SMAD2: variants seen among roughly 807,000 people sequenced by gnomAD.
SMAD2 encodes MAD homolog 2.
SMAD2 carries 8 observed loss-of-function variants against 64.4 expected under a neutral mutation model. The ratio of observed to expected loss-of-function variants is 0.12; its 90% CI spans 0.07 to 0.22. The LOEUF is 0.22. Among genes scored for constraint, SMAD2 ranks in the 10% least tolerant of loss-of-function variants. The pLI is 1.00. For synonymous variants in SMAD2, 203 were observed against 195.8 expected, an observed-to-expected ratio of 1.04 and a Z score of -0.31; for missense variants, 289 against 561.2, an observed-to-expected ratio of 0.51 and a Z score of 4.90.
chr18:47,836,385 A>C lies in SMAD2; in HGVS notation c.*5442T>G, dbSNP rs1188089439. 2 of 222,188 alleles carry C rather than the reference A, an allele frequency of 9.0e-6. No individual in the cohort carries two copies. Among genetic ancestry groups the C allele is most frequent in the African/African-American group, 4.5e-5 (2 of 44,706 alleles). The allele number at this position is 222,188 out of a possible 1,614,324, so 13.8% of individuals were successfully genotyped here. On this transcript the variant is annotated 3_prime_UTR_variant, in exon 11 of 11. Coordinates refer to ENST00000262160, the MANE Select transcript of SMAD2 (RefSeq NM_005901.6). Reference sequence around the variant, plus strand: ...GGCAGAGCTTTCTTTGATGTTAACAAATTTTGGCTGTGATTCTTAGTTACC... The same window carrying C: ...GGCAGAGCTTTCTTTGATGTTAACACATTTTGGCTGTGATTCTTAGTTACC...
Position 47,820,578 on chromosome 18 carries a change from G to A in SMAD2, c.*21249C>T, listed in dbSNP as rs1336193798. On this transcript the variant is annotated 3_prime_UTR_variant, in exon 11 of 11. Transcript: ENST00000262160. ...GGTAAGGAAGGTTACAAAATTAACA[G>A]AATAATTCTGTATGAGTCTTGCATA... 1 of 152,168 alleles carries A rather than the reference G, an allele frequency of 6.6e-6. No individual in the cohort carries two copies. The highest frequency in any genetic ancestry group is 2.1e-4 in the South Asian group (1 of 4,830). The allele number at this position is 152,168 out of a possible 1,614,324, so 9.4% of individuals were successfully genotyped here.
At chr18:47,908,734 C>T (rs1339951936) in intron 1 of SMAD2, among the ~76,000 whole-genome samples, 1 of 152,158 alleles carries the variant, frequency 6.6e-6, no homozygotes, top group African/African-American at 2.4e-5. Flanking sequence ...GTTGCTATCA[C>T]GGTGAGCGGA....
chr18:47,911,344 C>T (rs75737219), intron 1 of SMAD2, among the ~76,000 whole-genome samples: 1 of 149,326 alleles, frequency 6.7e-6, no homozygotes, highest in Non-Finnish European at 1.5e-5. Flanking sequence ...GAGCGAGACT[C>T]CATCTGGAAA....
intron 2 of SMAD2, among the ~76,000 whole-genome samples, chr18:47,873,027 A>G (rs1458786889): frequency 6.6e-6 from 1 of 152,088 alleles, no homozygotes; most frequent in African/African-American, 2.4e-5. Flanking sequence ...ACGATTGGCT[A>G]ATTTTAACAC....
rs1275305551 is a variant in SMAD2, at chr18:47,816,400, CT to C, written c.*25426del. On this transcript the variant is annotated 3_prime_UTR_variant, in exon 11 of 11. Transcript: ENST00000262160. ...AAATTGGAAAATGAGAAAAGATAGT[CT>C]GGTATAACTGCCTGAACAACTTATT... 1.3e-5 allele frequency: 2 copies of C among 152,132 alleles called. No homozygotes were observed. The highest frequency in any genetic ancestry group is 2.9e-5 in the Non-Finnish European group (2 of 68,024). 9.4% of individuals were successfully genotyped at this position (152,132 alleles called of 1,614,324 possible).
intron 2 of SMAD2, among the ~76,000 whole-genome samples, chr18:47,876,174 T>A (rs2032251294): frequency 6.6e-6 from 1 of 152,004 alleles, no homozygotes; most frequent in South Asian, 2.1e-4. Flanking sequence ...GATAGCAATA[T>A]CCCAAACACA....
chr18:47,844,573 T>C (rs964815817), intron 10 of SMAD2, among the ~76,000 whole-genome samples: 7 of 152,154 alleles, frequency 4.6e-5, no homozygotes, highest in Non-Finnish European at 8.8e-5. Flanking sequence ...GTTACTACTA[T>C]CCTTATAAAA....
chr18:47,879,190 G>A (rs551343356), intron 2 of SMAD2, among the ~76,000 whole-genome samples: 8 of 152,248 alleles, frequency 5.3e-5, no homozygotes, highest in Admixed American at 3.3e-4. Flanking sequence ...ACTAGAGTTC[G>A]CTGTTCTTTT....
Position 47,837,829 on chromosome 18 carries a change from G to A in SMAD2, c.*3998C>T. ...ATACTTGGTGGGCAGGGGCTTGGGA[G>A]GGAAGGCGCAAATTGGAATGTTCAG... is the stretch of plus-strand genomic sequence containing the variant. On this transcript the variant is annotated 3_prime_UTR_variant, in exon 11 of 11. Transcript: ENST00000262160. 1 of 232,924 alleles carries A rather than the reference G, an allele frequency of 4.3e-6. No individual in the cohort carries two copies. The highest frequency in any genetic ancestry group is 6.0e-5 in the East Asian group (1 of 16,644). The allele number at this position is 232,924 out of a possible 1,614,324, so 14.4% of individuals were successfully genotyped here.
chr18:47,850,143 C>G (rs533622146), intron 7 of SMAD2, among the ~76,000 whole-genome samples: 1 of 128,240 alleles, frequency 7.8e-6, no homozygotes, highest in South Asian at 2.3e-4. Context: ...AGGGACCATA[C>G]ACATACACAT....
At chr18:47,864,599 T>G (rs950602075) in intron 6 of SMAD2, among the ~76,000 whole-genome samples, 1 of 152,176 alleles carries the variant, frequency 6.6e-6, no homozygotes. Flanking sequence ...AGTTGATAGC[T>G]AAGCATAAGA....
chr18:47,910,426 T>C (rs2034082938), intron 1 of SMAD2, among the ~76,000 whole-genome samples: 1 of 152,212 alleles, frequency 6.6e-6, no homozygotes, highest in Non-Finnish European at 1.5e-5. Context: ...TTGACTTCTT[T>C]TATAACACAG....
At chr18:47,923,674 C>T (rs956032375) in intron 1 of SMAD2, 1 of 152,204 alleles carries the variant, frequency 6.6e-6, no homozygotes, top group African/African-American at 2.4e-5. Context: ...ACTGATCAGG[C>T]AGGACTTCAA....
At chr18:47,856,852 T>G (rs1263634890) in intron 6 of SMAD2, among the ~76,000 whole-genome samples, 1 of 142,096 alleles carries the variant, frequency 7.0e-6, no homozygotes, top group Admixed American at 7.3e-5. Context: ...CTAACTATGC[T>G]AATTTTTTTT....
chr18:47,849,366 C>A (rs565680941), intron 7 of SMAD2, among the ~76,000 whole-genome samples: 10 of 151,868 alleles, frequency 6.6e-5, no homozygotes, highest in Non-Finnish European at 1.5e-4. Context: ...ATAAGGAATA[C>A]TGCAAAAGAA....
Position 47,832,587 on chromosome 18 carries a change from G to A in SMAD2, c.*9240C>T, listed in dbSNP as rs1347260922. 2.0e-5 allele frequency: 3 copies of A among 152,072 alleles called. No individual in the cohort carries two copies. Among genetic ancestry groups the A allele is most frequent in the African/African-American group, 4.8e-5 (2 of 41,402 alleles). 9.4% of individuals were successfully genotyped at this position (152,072 alleles called of 1,614,324 possible). ...GATTCATCCACAGAACTGAATTCTT[G>A]CAAGGCACAAAGGAAGTGTGGCTGA... On this transcript the variant is annotated 3_prime_UTR_variant, in exon 11 of 11. Transcript: ENST00000262160.
Position 47,860,332 on chromosome 18 carries a change from C to T in SMAD2, c.730+4727G>A, listed in dbSNP as rs9952750. 4.5e-3 allele frequency among the ~76,000 whole-genome samples: 679 copies of T among 152,124 alleles called. 7 individuals are homozygous for T. The highest frequency in any genetic ancestry group is 0.015 in the African/African-American group (628 of 41,486). ...TGTTGCCCAGGCTGGAGTGCAGCGG[C>T]GCAAACATGGCTCAATGCAACCTCC... On this transcript the variant is annotated intron_variant, in intron 6 of 10. Transcript: ENST00000262160.
Position 47,868,347 on chromosome 18 carries a change from CA to C in SMAD2, c.630del (p.Ile210MetfsTer28). 1 of 1,612,898 alleles carries C rather than the reference CA, an allele frequency of 6.2e-7. No homozygotes were observed. ...IPENTNFPAG[I>X]EPQSNYIPET... The stretch of plus-strand genomic sequence containing the variant: ...CCTGGAATATAATTACTCTGTGGCT[CA>C]ATTCCTGCTGGGAAGTTAGTGTTTT... On this transcript the variant is annotated frameshift_variant, in exon 5 of 11. Transcript: ENST00000262160. LOFTEE classifies it high-confidence loss of function.
intron 2 of SMAD2, among the ~76,000 whole-genome samples, chr18:47,873,951 A>C (rs1159074208): frequency 6.6e-6 from 1 of 152,006 alleles, no homozygotes; most frequent in African/African-American, 2.4e-5. Flanking sequence ...AAGAAGGAAG[A>C]TACCCTGTAA....
Sources: gnomAD v4.1 joint callset for allele counts (sites outside exome capture counted in the v4.1 genomes callset) on GRCh38, gnomAD v4.1.1 for gene constraint, MANE v1.5 for transcripts, NCBI Gene and HGNC (gene_info 2026-07-23, HGNC 2026-07-21) for gene names.